DAB1: variants seen among roughly 807,000 people sequenced by gnomAD.
DAB1 encodes the protein disabled homolog 1.
DAB1 carries 15 observed loss-of-function variants against 64.6 expected under a neutral mutation model. The ratio of observed to expected loss-of-function variants is 0.23; its 90% CI spans 0.16 to 0.36. DAB1 has a LOEUF of 0.36. Among genes scored for constraint, DAB1 ranks in the 10% least tolerant of loss-of-function variants. The pLI, the probability that DAB1 is intolerant of heterozygous loss-of-function variation, is 1.00. For missense variants in DAB1, 596 were observed against 706.7 expected, an observed-to-expected ratio of 0.84 and a Z score of 1.78; for synonymous variants, 235 against 251.9, an observed-to-expected ratio of 0.93 and a Z score of 0.64.
At chr1:57,931,424 G>T (rs1644951347) in intron 5 of DAB1, among the ~76,000 whole-genome samples, 2 of 152,206 alleles carry the variant, frequency 1.3e-5, no homozygotes, top group South Asian at 4.1e-4. Flanking sequence ...AGATTGTAGA[G>T]AAACTGTTAT....
chr1:58,031,212 A>G (rs764785594), intron 5 of DAB1, among the ~76,000 whole-genome samples: 1 of 152,170 alleles, frequency 6.6e-6, no homozygotes, highest in Non-Finnish European at 1.5e-5. Flanking sequence ...CAATTTGGCC[A>G]GAGCACGGAG....
chr1:57,422,096 T>G (rs540244881), intron 1 of DAB1, among the ~76,000 whole-genome samples: 2 of 152,310 alleles, frequency 1.3e-5, no homozygotes, highest in Admixed American at 6.5e-5. Flanking sequence ...AATTGGCACA[T>G]AAATGTACCA....
At chr1:57,271,381 G>T (rs1029858226) in intron 2 of DAB1, among the ~76,000 whole-genome samples, 1 of 152,174 alleles carries the variant, frequency 6.6e-6, no homozygotes, top group African/African-American at 2.4e-5. Flanking sequence ...AAAAACAACT[G>T]GTTTTGGCAG....
At chr1:58,528,530 G>A (rs1239257404) in intron 1 of DAB1, among the ~76,000 whole-genome samples, 1 of 152,166 alleles carries the variant, frequency 6.6e-6, no homozygotes, top group African/African-American at 2.4e-5. Flanking sequence ...CAAATGTTTG[G>A]AAATATTTAT....
chr1:58,174,948 G>A (rs1288908168), intron 4 of DAB1, among the ~76,000 whole-genome samples: 1 of 152,134 alleles, frequency 6.6e-6, no homozygotes, highest in Non-Finnish European at 1.5e-5. Context: ...TCTAGCTAAA[G>A]GACTGTAAAC....
At chr1:57,957,456 C>T (rs1024688925) in intron 5 of DAB1, among the ~76,000 whole-genome samples, 2 of 152,068 alleles carry the variant, frequency 1.3e-5, no homozygotes, top group African/African-American at 4.8e-5. Context: ...TGGTTTTGAA[C>T]ATATTGGCTT....
At chr1:57,689,767 C>T (rs1646741760) in intron 6 of DAB1, among the ~76,000 whole-genome samples, 1 of 151,844 alleles carries the variant, frequency 6.6e-6, no homozygotes, top group South Asian at 2.1e-4. Context: ...ACAAATAATC[C>T]AATTATACTC....
At chr1:58,234,132 G>C (rs1023881080) in intron 4 of DAB1, among the ~76,000 whole-genome samples, 5 of 152,210 alleles carry the variant, frequency 3.3e-5, no homozygotes, top group Non-Finnish European at 7.3e-5. Context: ...AGCTGAGCTA[G>C]AGATGTCAGA....
At chr1:57,535,859 T>G (rs891959896) in intron 7 of DAB1, among the ~76,000 whole-genome samples, 1 of 152,192 alleles carries the variant, frequency 6.6e-6, no homozygotes, top group Non-Finnish European at 1.5e-5. Context: ...TTTTATTAAT[T>G]TAAAATGCAA....
At chr1:57,986,100 C>T (rs914350552) in intron 5 of DAB1, among the ~76,000 whole-genome samples, 1 of 152,130 alleles carries the variant, frequency 6.6e-6, no homozygotes, top group African/African-American at 2.4e-5. Flanking sequence ...TAGGACACAC[C>T]AAGCTATCTT....
intron 2 of DAB1, among the ~76,000 whole-genome samples, chr1:57,243,805 C>A (rs12085239): frequency 0.089 from 13,523 of 152,110 alleles, 2,000 homozygotes; most frequent in African/African-American, 0.31. Flanking sequence ...ATGGCATAGA[C>A]CAACCCCAAC....
At chr1:58,275,785 A>T (rs1445425276) in intron 4 of DAB1, among the ~76,000 whole-genome samples, 2 of 152,224 alleles carry the variant, frequency 1.3e-5, no homozygotes, top group African/African-American at 4.8e-5. Context: ...AAAGTTAAAA[A>T]TAGAATTACC....
chr1:57,666,475 G>A lies in DAB1; in HGVS notation n.552-16810C>T, dbSNP rs558826591. Among the ~76,000 whole-genome samples, 3 of 152,256 alleles carry A rather than the reference G, an allele frequency of 2.0e-5. No homozygotes were observed. The South Asian group carries it at 6.2e-4, about 32-fold the overall frequency. On this transcript the variant is annotated intron_variant and non_coding_transcript_variant, in intron 6 of 20. Transcript: ENST00000485760. Reference sequence around the variant, plus strand: ...ATGCTTGTTTCCTGAGCAACAAAAGGTGAGAGAGATATGCAGGTGGGTCAG... The same window carrying A: ...ATGCTTGTTTCCTGAGCAACAAAAGATGAGAGAGATATGCAGGTGGGTCAG...
At chr1:57,861,291 A>G (rs1218545792) in intron 1 of DAB1, among the ~76,000 whole-genome samples, 3 of 152,330 alleles carry the variant, frequency 2.0e-5, no homozygotes, top group East Asian at 3.9e-4. Flanking sequence ...TACATACAAG[A>G]GAAATATATT....
At position 58,048,730 on chromosome 1, in the gene DAB1, C is replaced by T. The variant is rs138372935; in HGVS notation, n.387+101781G>A. 7,078 of 1,312,638 alleles carry T rather than the reference C, an allele frequency of 5.4e-3. 214 individuals are homozygous for T. In the African/African-American group the frequency reaches 0.079, roughly 15 times the overall value. The allele number at this position is 1,312,638 out of a possible 1,614,324, so 81.3% of individuals were successfully genotyped here. On this transcript the variant is annotated intron_variant and non_coding_transcript_variant, in intron 5 of 20. Transcript: ENST00000485760. ...TTCACCTCTTTGGCTGGATGAAACA[C>T]TAGCCATCTCTTGCTTTGACAGGGC...
intron 4 of DAB1, among the ~76,000 whole-genome samples, chr1:58,154,867 T>C (rs1388726537): frequency 1.3e-5 from 2 of 152,170 alleles, no homozygotes; most frequent in Non-Finnish European, 2.9e-5. Flanking sequence ...TGTTAAGGTA[T>C]AAAATTATTA....
chr1:58,519,110 T>C (rs537250604), intron 2 of DAB1, among the ~76,000 whole-genome samples: 59 of 152,300 alleles, frequency 3.9e-4, no homozygotes, highest in African/African-American at 1.4e-3. Flanking sequence ...AGTATTTGAC[T>C]TCCAAGAAAG....
At chr1:57,106,015 C>A (rs1655105967) in intron 4 of DAB1, among the ~76,000 whole-genome samples, 3 of 152,266 alleles carry the variant, frequency 2.0e-5, no homozygotes, top group South Asian at 4.1e-4. Flanking sequence ...CCTCTGTAAG[C>A]CTCGGGATCC....
At chr1:57,612,142 T>C (rs1645734305) in intron 7 of DAB1, among the ~76,000 whole-genome samples, 1 of 152,106 alleles carries the variant, frequency 6.6e-6, no homozygotes, top group Admixed American at 6.5e-5. Flanking sequence ...GCTCCTGTCT[T>C]GCTCTCTGCC....
Sources: gnomAD v4.1 joint callset for allele counts (sites outside exome capture counted in the v4.1 genomes callset) on GRCh38, gnomAD v4.1.1 for gene constraint, MANE v1.5 for transcripts, NCBI Gene and HGNC (gene_info 2026-07-23, HGNC 2026-07-21) for gene names.